The following CDCA5 variants were observed in gnomAD, a reference collection of about 807,000 sequenced individuals.
The protein encoded by CDCA5 is cell division cycle associated 5, also known as sororin.
A neutral mutation model predicts 25.7 loss-of-function variants in CDCA5; 14 were observed. The observed-to-expected ratio is 0.54, with a 90% CI of 0.36 to 0.85. CDCA5 has a LOEUF of 0.85. Among genes scored for constraint, CDCA5 ranks in the 40% least tolerant of loss-of-function variants. The pLI is 0.01. For missense variants in CDCA5, 307 were observed against 324.5 expected (o/e 0.95, Z 0.41); for synonymous variants, 127 against 128.7 (o/e 0.99, Z 0.09).
chr11:65,071,133 G>A lies in CDCA5; in HGVS notation c.64-2532C>T, dbSNP rs1320138461. ...ATTTTTTGTATTTTTTAGTAGAGAC[G>A]GGGTTTCACCGTGTTAGCCAGGATG... On this transcript the variant is annotated intron_variant, in intron 1 of 6. Coordinates refer to the CDCA5 transcript ENST00000525464. Among the ~76,000 whole-genome samples the A allele has an allele frequency of 1.3e-4, 20 of 151,428 alleles. No homozygotes were observed. The East Asian group carries it at 2.5e-3, about 19-fold the overall frequency.
Position 65,078,971 on chromosome 11 carries a change from C to T in CDCA5, c.*136G>A. 2 of 1,279,654 alleles carry T rather than the reference C, an allele frequency of 1.6e-6. No homozygotes were observed. Among genetic ancestry groups the T allele is most frequent in the Non-Finnish European group, 2.0e-6 (2 of 1,015,180 alleles). 79.3% of individuals were successfully genotyped at this position (1,279,654 alleles called of 1,614,324 possible). A position where few individuals can be genotyped will look rare whatever the true frequency, so the allele number is the denominator to read the frequency against. ...TGCTGCCCAAGCCCTCAAAGGCAGA[C>T]AGTCCTCATGCGCAGCACCAGCACA... On this transcript the variant is annotated 3_prime_UTR_variant, in exon 6 of 6. Coordinates refer to ENST00000275517, the MANE Select transcript of CDCA5 (RefSeq NM_080668.4).
chr11:65,066,334 G>A (rs1947234683), downstream of CDCA5: 1 of 1,171,244 alleles, frequency 8.5e-7, no homozygotes, highest in African/African-American at 1.6e-5. Flanking sequence ...ATCTAGGGAG[G>A]AGCTGGCTGA....
chr11:65,076,405 G>A (rs1452381596), downstream of CDCA5, among the ~76,000 whole-genome samples: 6 of 152,180 alleles, frequency 3.9e-5, no homozygotes, highest in Non-Finnish European at 7.3e-5. Flanking sequence ...GTCAGCCACT[G>A]TGCCCAGCCT....
intron 4 of CDCA5, among the ~76,000 whole-genome samples, chr11:65,080,388 T>G (rs1246516215): frequency 6.6e-6 from 1 of 152,120 alleles, no homozygotes; most frequent in Admixed American, 6.5e-5. Context: ...CCTCATTAGG[T>G]GTCTTCTAGA....
At chr11:65,070,569 G>A (rs539068573) in intron 1 of CDCA5, among the ~76,000 whole-genome samples, 3 of 151,584 alleles carry the variant, frequency 2.0e-5, no homozygotes, top group African/African-American at 7.3e-5. Flanking sequence ...CTGCAGCCTC[G>A]ACTTCCCAGG....
downstream of CDCA5, among the ~76,000 whole-genome samples, chr11:65,077,190 G>A (rs1021933571): frequency 7.9e-5 from 12 of 152,184 alleles, no homozygotes; most frequent in African/African-American, 2.7e-4. Flanking sequence ...GGGAGGCTGA[G>A]GCAGGAGAAT....
intron 1 of CDCA5, among the ~76,000 whole-genome samples, chr11:65,071,348 CTTTT>C (rs763489252): frequency 7.3e-6 from 1 of 137,610 alleles, no homozygotes; most frequent in Non-Finnish European, 1.6e-5. Context: ...ACAGTTATTC[CTTTT>C]TTTTTTTTTT....
intron 4 of CDCA5, among the ~76,000 whole-genome samples, chr11:65,080,373 C>G (rs1029207373): frequency 3.3e-5 from 5 of 152,310 alleles, no homozygotes; most frequent in Admixed American, 3.3e-4. Flanking sequence ...CTGACCAACT[C>G]AAGCCCTCAT....
At chr11:65,073,575 G>A (rs1193742225), downstream of CDCA5, among the ~76,000 whole-genome samples, 1 of 152,218 alleles carries the variant, frequency 6.6e-6, no homozygotes, top group African/African-American at 2.4e-5. Flanking sequence ...CAAGCAGCTC[G>A]CAGCCTGCGG....
At position 65,077,721 on chromosome 11, in the gene CDCA5, CCA is replaced by C; in HGVS notation, c.*1384_*1385del. On this transcript the variant is annotated 3_prime_UTR_variant, in exon 6 of 6. Coordinates refer to ENST00000275517, the MANE Select transcript of CDCA5 (RefSeq NM_080668.4). ...GGGGCTTGCTTGCAGGTCTGACAAA[CCA>C]CAGAGCGTTGAGCAGATGGCCTGGG... The C allele has an allele frequency of 3.0e-6, 3 of 985,586 alleles. No individual in the cohort carries two copies. Among genetic ancestry groups the C allele is most frequent in the South Asian group, 4.7e-5 (1 of 21,300 alleles). The allele number at this position is 985,586 out of a possible 1,614,324, so 61.1% of individuals were successfully genotyped here.
At position 65,079,594 on chromosome 11, in the gene CDCA5, T is replaced by TA. The variant is rs1368066187; in HGVS notation, c.436dup (p.Tyr146LeufsTer73). 8 of 1,612,914 alleles carry TA rather than the reference T, an allele frequency of 5.0e-6. No individual in the cohort carries two copies. The highest frequency in any genetic ancestry group is 5.9e-6 in the Non-Finnish European group (7 of 1,179,414). ...AGAGCCCAGGGTCTCCAGCCGGCTG[T>TA]AGGAACGCCTGACTTTCTTAGACAT... On this transcript the variant is annotated frameshift_variant, in exon 5 of 6. Transcript: ENST00000275517. LOFTEE classifies it high-confidence loss of function.
At chr11:65,076,685 G>A (rs1042229235), downstream of CDCA5, among the ~76,000 whole-genome samples, 1 of 152,212 alleles carries the variant, frequency 6.6e-6, no homozygotes, top group South Asian at 2.1e-4. Flanking sequence ...CCACCTGCCT[G>A]TAGGGTCCTA....
At position 65,079,024 on chromosome 11, in the gene CDCA5, G is replaced by A. The variant is rs1305181808; in HGVS notation, c.*83C>T. The stretch of plus-strand genomic sequence containing the variant: ...CACAGGTAACAAGACCAGGGGAGGG[G>A]ACCCTAAGTGTCCTCTCCACAGGGA... On this transcript the variant is annotated 3_prime_UTR_variant, in exon 6 of 6. Coordinates refer to ENST00000275517, the MANE Select transcript of CDCA5 (RefSeq NM_080668.4). 2 of 1,391,486 alleles carry A rather than the reference G, an allele frequency of 1.4e-6. No individual in the cohort carries two copies. The highest frequency in any genetic ancestry group is 1.9e-6 in the Non-Finnish European group (2 of 1,072,002). The allele number at this position is 1,391,486 out of a possible 1,614,324, so 86.2% of individuals were successfully genotyped here. A position where few individuals can be genotyped will look rare whatever the true frequency, so the allele number is the denominator to read the frequency against.
intron 3 of CDCA5, chr11:65,067,899 A>G: frequency 1.2e-6 from 1 of 845,602 alleles, no homozygotes; most frequent in Non-Finnish European, 1.7e-6. Flanking sequence ...ACTGAGTCCT[A>G]GCCCAGGTTT....
chr11:65,078,476 T>C lies in CDCA5; in HGVS notation c.*631A>G. The C allele has an allele frequency of 1.0e-6, 1 of 985,552 alleles. No homozygotes were observed. The highest frequency in any genetic ancestry group is 1.2e-6 in the Non-Finnish European group (1 of 829,980). The allele number at this position is 985,552 out of a possible 1,614,324, so 61.1% of individuals were successfully genotyped here. On this transcript the variant is annotated 3_prime_UTR_variant, in exon 6 of 6. Transcript: ENST00000275517. ...GCTTCTGTGTAGTACACACTTATGG[T>C]CTGAGACCCAACTAAGGCTCCCTAC... is the stretch of plus-strand genomic sequence containing the variant.
At chr11:65,066,439 T>G (rs1415024010) in exon 7 of CDCA5, 19 of 1,274,686 alleles carry the variant, frequency 1.5e-5, no homozygotes, top group Non-Finnish European at 1.7e-5. Context: ...TCAGGCAGCT[T>G]GAAGAGGAGA....
downstream of CDCA5, among the ~76,000 whole-genome samples, chr11:65,074,469 C>A (rs1947401043): frequency 6.6e-6 from 1 of 152,166 alleles, no homozygotes; most frequent in African/African-American, 2.4e-5. Flanking sequence ...TTGTTTCCAG[C>A]TTTTTGGTTA....
rs1295117221 is a variant in CDCA5 at position 65,079,590 on chromosome 11, G to A, written c.441C>T (p.Ser147=). Residue 147 remains serine, a synonymous_variant, in exon 5 of 6, where the codon AGC becomes AGT. Transcript: ENST00000275517. ...AGGCAGAGCCCAGGGTCTCCAGCCGGCTGTAGGAACGCCTGACTTTCTTAG... is the reference window on the plus strand; with the variant it reads ...AGGCAGAGCCCAGGGTCTCCAGCCGACTGTAGGAACGCCTGACTTTCTTAG... ...EMSKKVRRSY[S]RLETLGSAST... The A allele has an allele frequency of 6.2e-7, 1 of 1,613,090 alleles. No individual in the cohort carries two copies. The highest frequency in any genetic ancestry group is 2.2e-5 in the East Asian group (1 of 44,870).
downstream of CDCA5, among the ~76,000 whole-genome samples, chr11:65,072,938 CTTTTTTTTTT>C (rs751923442): frequency 8.0e-5 from 8 of 99,958 alleles, no homozygotes; most frequent in African/African-American, 2.8e-4. Context: ...TTATTTCATT[CTTTTTTTTTT>C]TTTTTTTTTT....
Sources: gnomAD v4.1 joint callset for allele counts (sites outside exome capture counted in the v4.1 genomes callset) on GRCh38, gnomAD v4.1.1 for gene constraint, MANE v1.5 for transcripts, NCBI Gene and HGNC (gene_info 2026-07-23, HGNC 2026-07-21) for gene names.